Variants in ITGB5 observed in about 807,000 individuals in gnomAD.
ITGB5 encodes integrin beta-5.
A neutral mutation model predicts 84.8 loss-of-function variants in ITGB5; 38 were observed. The ratio of observed to expected loss-of-function variants is 0.45; its 90% CI spans 0.35 to 0.59. ITGB5 has a LOEUF of 0.59. Among genes scored for constraint, ITGB5 ranks in the 20% least tolerant of loss-of-function variants. The pLI, the probability that ITGB5 is intolerant of heterozygous loss-of-function variation, is 0.01. For missense variants in ITGB5, 905 were observed against 1,034.5 expected (o/e 0.87, Z 1.72); for synonymous variants, 393 against 414.4 (o/e 0.95, Z 0.63).
intron 10 of ITGB5, among the ~76,000 whole-genome samples, chr3:124,779,236 G>A (rs2063967924): frequency 6.7e-6 from 1 of 148,656 alleles, no homozygotes; most frequent in Non-Finnish European, 1.5e-5. Flanking sequence ...GGGCGAGAGT[G>A]TGAGGCAGGA....
intron 1 of ITGB5, among the ~76,000 whole-genome samples, chr3:124,893,763 G>T (rs1935045828): frequency 6.6e-6 from 1 of 152,166 alleles, no homozygotes; most frequent in African/African-American, 2.4e-5. Context: ...TGTGCATAGT[G>T]GTCATTGCCA....
chr3:124,847,420 G>A (rs1458072955), intron 4 of ITGB5, among the ~76,000 whole-genome samples: 1 of 152,186 alleles, frequency 6.6e-6, no homozygotes, highest in East Asian at 1.9e-4. Flanking sequence ...GCATACAAAC[G>A]TCCCATGGCA....
chr3:124,856,520 T>C lies in ITGB5; in HGVS notation c.361+2722A>G, dbSNP rs1342800244. On this transcript the variant is annotated intron_variant, in intron 3 of 14. Transcript: ENST00000296181. Reference sequence around the variant, plus strand: ...ACTCTTTTGGAGGTGTGAATTTTTTTCCTAATTTTCAAAGATTATTGAATG... The same window carrying C: ...ACTCTTTTGGAGGTGTGAATTTTTTCCCTAATTTTCAAAGATTATTGAATG... Among the ~76,000 whole-genome samples, 2 of 152,314 alleles carry C rather than the reference T, an allele frequency of 1.3e-5. 1 individual carries two copies. The highest frequency in any genetic ancestry group is 3.9e-4 in the East Asian group (2 of 5,186).
At chr3:124,866,785 G>A (rs1275551228) in intron 2 of ITGB5, among the ~76,000 whole-genome samples, 1 of 152,154 alleles carries the variant, frequency 6.6e-6, no homozygotes, top group African/African-American at 2.4e-5. Flanking sequence ...GAAGGTAGCT[G>A]ATGACAACCA....
chr3:124,805,601 G>A (rs746696428), intron 9 of ITGB5, among the ~76,000 whole-genome samples: 7 of 152,102 alleles, frequency 4.6e-5, no homozygotes, highest in Admixed American at 2.6e-4. Flanking sequence ...ACAGGTGTGC[G>A]CTACCATGCC....
chr3:124,864,825 A>T (rs2065362967), intron 2 of ITGB5, among the ~76,000 whole-genome samples: 1 of 152,208 alleles, frequency 6.6e-6, no homozygotes, highest in African/African-American at 2.4e-5. Context: ...CAGATCCCAG[A>T]GACCTGACAC....
chr3:124,837,121 G>C (rs918276831), intron 5 of ITGB5, among the ~76,000 whole-genome samples: 4 of 152,188 alleles, frequency 2.6e-5, no homozygotes, highest in Non-Finnish European at 4.4e-5. Flanking sequence ...TTTAACCTGA[G>C]AGCCATGAAG....
At chr3:124,766,758 G>A (rs2063773910) in intron 12 of ITGB5, among the ~76,000 whole-genome samples, 1 of 152,226 alleles carries the variant, frequency 6.6e-6, no homozygotes, top group African/African-American at 2.4e-5. Context: ...AAACAGCCCA[G>A]GCCACTTGGG....
chr3:124,814,468 T>C (rs7650893), intron 8 of ITGB5, among the ~76,000 whole-genome samples: 16,083 of 145,344 alleles, frequency 0.11, 1,946 homozygotes, highest in African/African-American at 0.3. Flanking sequence ...TTTACAATTC[T>C]TTTCCAATTT....
chr3:124,854,452 G>A lies in ITGB5; in HGVS notation c.361+4790C>T, dbSNP rs1035899252. ...GGCCATAAAAAGGAATGAAGTACAT[G>A]CTACAACATGGATGAACCTTGAAAC... On this transcript the variant is annotated intron_variant, in intron 3 of 14. Coordinates refer to ENST00000296181, the MANE Select transcript of ITGB5 (RefSeq NM_002213.5). Among the ~76,000 whole-genome samples, 4 of 152,288 alleles carry A rather than the reference G, an allele frequency of 2.6e-5. No individual in the cohort carries two copies. In the East Asian group the frequency reaches 5.8e-4, roughly 22 times the overall value.
intron 8 of ITGB5, among the ~76,000 whole-genome samples, chr3:124,813,627 G>A (rs935092144): frequency 2.4e-4 from 37 of 152,320 alleles, no homozygotes; most frequent in Non-Finnish European, 4.6e-4. Context: ...AGAGATAAAG[G>A]CTGCAGATGA....
Position 124,852,538 on chromosome 3 carries a change from C to T in ITGB5, c.362-3980G>A, listed in dbSNP as rs571034888. Among the ~76,000 whole-genome samples, 8 of 152,084 alleles carry T rather than the reference C, an allele frequency of 5.3e-5. 1 individual carries two copies. The South Asian group carries it at 1.7e-3, about 32-fold the overall frequency. On this transcript the variant is annotated intron_variant, in intron 3 of 14. Coordinates refer to ENST00000296181, the MANE Select transcript of ITGB5 (RefSeq NM_002213.5). ...TAAGTACAGGTTCTTCCACTGTAAT[C>T]GGGTATCAACTAGCATTCTATCTGA... is the stretch of plus-strand genomic sequence containing the variant.
At position 124,848,468 on chromosome 3, in the gene ITGB5, T is replaced by C; in HGVS notation, c.452A>G (p.Lys151Arg). 3 of 1,614,216 alleles carry C rather than the reference T, an allele frequency of 1.9e-6. No homozygotes were observed. The highest frequency in any genetic ancestry group is 1.6e-4 in the Middle Eastern group (1 of 6,062). ...YYLMDLSLSM[K>R]DDLDNIRSLG... ...GCTCCGGATATTGTCCAAGTCATCC[T>C]TCATGGACAGGGAGAGGTCCATCAG... is the stretch of plus-strand genomic sequence containing the variant. The change falls in exon 4 of 15, where the codon AAG (lysine) becomes AGG (arginine). Residue 151 changes from lysine (K) to arginine (R), a missense_variant. Around this residue, in one of 3 missense-constraint regions of ITGB5, gnomAD observed 656 missense variants for 734.7 expected, o/e 0.89. Transcript: ENST00000296181.
intron 4 of ITGB5, among the ~76,000 whole-genome samples, chr3:124,846,387 A>G (rs1308912270): frequency 6.6e-6 from 1 of 151,866 alleles, no homozygotes; most frequent in Non-Finnish European, 1.5e-5. Flanking sequence ...GAGAGCTGCC[A>G]AGGAAAGCAG....
chr3:124,828,683 C>T (rs545453339), intron 5 of ITGB5, among the ~76,000 whole-genome samples: 1 of 152,316 alleles, frequency 6.6e-6, no homozygotes, highest in South Asian at 2.1e-4. Context: ...ATCAATTATA[C>T]TTCGATGCTC....
In ITGB5 at chr3:124,809,116, G is replaced by A; in HGVS notation, c.1169C>T (p.Pro390Leu). The change falls in exon 9 of 15, where the codon CCT becomes CTT. Residue 390 changes from proline to leucine, a missense_variant. Physicochemically the swap from Pro to Leu is moderately conservative, Grantham distance 98. Around this residue, in one of 3 missense-constraint regions of ITGB5, gnomAD observed 656 missense variants for 734.7 expected, o/e 0.89. Coordinates refer to ENST00000296181, the MANE Select transcript of ITGB5 (RefSeq NM_002213.5). ...AGTAAAGAAGAGATTAAGATCCTCA[G>A]GCTGATCCCAGACTGACAACTCCAC... Reference protein sequence around the residue: ...SKVELSVWDQPEDLNLFFTAT... With the variant: ...SKVELSVWDQLEDLNLFFTAT... 2 of 1,614,030 alleles carry A rather than the reference G, an allele frequency of 1.2e-6. No homozygotes were observed. Among genetic ancestry groups the A allele is most frequent in the Non-Finnish European group, 1.7e-6 (2 of 1,179,956 alleles).
Position 124,764,566 on chromosome 3 carries a change from AC to A in ITGB5, c.2138-10del. Reference sequence around the variant, plus strand: ...GGGGGTGTTTCCACACTCTGGGGGGACCAGAAGCATGGTAAGCAAAGCCACT... The same window carrying A: ...GGGGGTGTTTCCACACTCTGGGGGGACAGAAGCATGGTAAGCAAAGCCACT... On this transcript the variant is annotated splice_polypyrimidine_tract_variant and intron_variant, in intron 13 of 14. Transcript: ENST00000296181. 1 of 1,595,918 alleles carries A rather than the reference AC, an allele frequency of 6.3e-7. No individual in the cohort carries two copies. The highest frequency in any genetic ancestry group is 1.3e-5 in the African/African-American group (1 of 74,686).
chr3:124,773,608 A>G (rs1050969746), intron 11 of ITGB5, 82 bp downstream of exon 11: 2 of 1,319,088 alleles, frequency 1.5e-6, no homozygotes, highest in African/African-American at 1.4e-5. Flanking sequence ...AGTGGAGGCT[A>G]GCCGGCCCTG....
chr3:124,887,983 C>T (rs1312712355), upstream of ITGB5, among the ~76,000 whole-genome samples: 1 of 150,048 alleles, frequency 6.7e-6, no homozygotes, highest in African/African-American at 2.5e-5. Context: ...CTGGCCCAGT[C>T]TTGGCTCACT....
Sources: gnomAD v4.1 joint callset for allele counts (sites outside exome capture counted in the v4.1 genomes callset) on GRCh38, gnomAD v4.1.1 for gene constraint, gnomAD v4.1.1 regional missense constraint, MANE v1.5 for transcripts, NCBI Gene and HGNC (gene_info 2026-07-23, HGNC 2026-07-21) for gene names.